The following PCDHGA6 variants were observed in gnomAD, a reference collection of about 807,000 sequenced individuals.
The protein encoded by PCDHGA6 is protocadherin gamma-A6.
Under a neutral mutation model 60.6 loss-of-function variants are expected in PCDHGA6, and 41 were observed. That is an observed-to-expected ratio of 0.68 (90% CI 0.53 to 0.88). The LOEUF is 0.88. Among genes scored for constraint, PCDHGA6 ranks in the 40% least tolerant of loss-of-function variants. The probability of loss-of-function intolerance (pLI) is 0.00; values close to 1 mark genes in which losing one functional copy is unlikely to be tolerated. For synonymous variants in PCDHGA6, 594 were observed against 524.4 expected (o/e 1.13, Z -1.81); for missense variants, 1,312 against 1,203.0 (o/e 1.09, Z -1.34).
At position 141,374,117 on chromosome 5, in the gene PCDHGA6, G is replaced by A. The variant is rs750762308; in HGVS notation, c.34G>A (p.Glu12Lys). The stretch of plus-strand genomic sequence containing the variant: ...TCCGCAGAGGCATCCGCAGCGCAGC[G>A]AGCAGGTCCTGCTCCTCACGCTCCT... ...APPQRHPQRS[E>K]QVLLLTLLGT... Residue 12 changes from glutamate (E) to lysine (K), a missense_variant, in exon 1 of 4, where the codon GAG (glutamate) becomes AAG (lysine). Transcript: ENST00000517434. 5.7e-6 allele frequency: 9 copies of A among 1,587,566 alleles called. No homozygotes were observed. The highest frequency in any genetic ancestry group is 7.7e-6 in the Non-Finnish European group (9 of 1,164,460).
chr5:141,441,547 A>G (rs1393958373), intron 1 of PCDHGA6: 1 of 182,772 alleles, frequency 5.5e-6, no homozygotes, highest in Admixed American at 6.4e-5. Context: ...CAAAGCCTCC[A>G]TAGTGTGCAA....
chr5:141,419,945 T>TTGGCCTTGATTTCTG (rs1205104698), intron 1 of PCDHGA6: 6 of 1,613,970 alleles, frequency 3.7e-6, no homozygotes, highest in Non-Finnish European at 4.2e-6. Flanking sequence ...GGTGGTGGCC[T>TTGGCCTTGATTTCTG]TGGCCTTGAT....
chr5:141,444,695 CCT>C (rs2154560766), intron 1 of PCDHGA6, among the ~76,000 whole-genome samples: 1 of 152,134 alleles, frequency 6.6e-6, no homozygotes, highest in South Asian at 2.1e-4. Flanking sequence ...AAAATATTTT[CCT>C]CTTTCTGTTG....
chr5:141,433,843 A>C (rs2097657951), intron 1 of PCDHGA6, among the ~76,000 whole-genome samples: 1 of 151,956 alleles, frequency 6.6e-6, no homozygotes, highest in African/African-American at 2.4e-5. Context: ...ATCTCAAAAA[A>C]AAAAAAAAAA....
intron 2 of PCDHGA6, among the ~76,000 whole-genome samples, chr5:141,497,006 T>C (rs947830895): frequency 1.3e-5 from 2 of 151,678 alleles, no homozygotes; most frequent in South Asian, 2.1e-4. Context: ...GCAGCCAACA[T>C]GGTGAAACCC....
intron 1 of PCDHGA6, chr5:141,403,221 T>G (rs899056141): frequency 1.3e-5 from 21 of 1,613,974 alleles, no homozygotes; most frequent in Non-Finnish European, 1.8e-5. Flanking sequence ...GCGGGTAGGA[T>G]AGACCGGGAG....
rs774690686 is a variant in PCDHGA6 at position 141,374,976 on chromosome 5, C to G, written c.893C>G (p.Thr298Ser). ...ISQIFCLNVL[T>S]GEISTSANLD... ...CAAATTTTCTGTTTGAATGTTTTGA[C>G]TGGAGAAATTTCAACTTCTGCAAAT... The change falls in exon 1 of 4, where the codon ACT becomes AGT. Residue 298 changes from threonine (T) to serine (S), a missense_variant. By Grantham distance (58) the Thr-to-Ser change is moderately conservative (BLOSUM62 1). Transcript: ENST00000517434. 6.2e-7 allele frequency: 1 copy of G among 1,613,898 alleles called. No homozygotes were observed. The highest frequency in any genetic ancestry group is 1.3e-5 in the African/African-American group (1 of 74,956).
chr5:141,466,766 T>G (rs1309395984), intron 1 of PCDHGA6, among the ~76,000 whole-genome samples: 2 of 152,194 alleles, frequency 1.3e-5, no homozygotes, highest in Non-Finnish European at 2.9e-5. Context: ...TTTCAAACTG[T>G]TATCTTATTC....
At chr5:141,423,237 C>A in intron 1 of PCDHGA6, 1 of 1,613,916 alleles carries the variant, frequency 6.2e-7, no homozygotes, top group Non-Finnish European at 8.5e-7. Context: ...ACAGCATCCC[C>A]GAAGTCCTGG....
intron 1 of PCDHGA6, chr5:141,414,147 A>G: frequency 6.3e-7 from 1 of 1,599,090 alleles, no homozygotes; most frequent in Non-Finnish European, 8.5e-7. Flanking sequence ...TAGAAATACA[A>G]GCAGAAGATG....
At position 141,490,646 on chromosome 5, in the gene PCDHGA6, C is replaced by G. The variant is rs202183643; in HGVS notation, c.2425-4161C>G. The G allele has an allele frequency of 8.7e-6, 14 of 1,614,068 alleles. No homozygotes were observed. In the African/African-American group the frequency reaches 1.7e-4, roughly 20 times the overall value. ...GCTTACATCCTAGAAAACCGGCCTC[C>G]GGGCTCCCTTCTTTGCACTGTGGCT... On this transcript the variant is annotated intron_variant, in intron 1 of 3. Coordinates refer to ENST00000517434, the MANE Select transcript of PCDHGA6 (RefSeq NM_018919.3). This position sits in a 1 kb window ranked among gnomAD's most constrained non-coding sequence, Gnocchi z 5.4.
rs1307942270 is a variant in PCDHGA6 at position 141,388,326 on chromosome 5, C to A, written c.2424+11819C>A. ...GCTGCAAATAAGTGAGTCTGCACAG[C>A]CTGGCACACGATTTATATTAGGATC... On this transcript the variant is annotated intron_variant, in intron 1 of 3. Transcript: ENST00000517434. 3.7e-6 allele frequency: 6 copies of A among 1,613,760 alleles called. No homozygotes were observed. The highest frequency in any genetic ancestry group is 5.1e-6 in the Non-Finnish European group (6 of 1,179,866).
chr5:141,400,402 G>T (rs574141234), intron 1 of PCDHGA6: 2 of 1,614,056 alleles, frequency 1.2e-6, no homozygotes, highest in South Asian at 2.2e-5. Context: ...AGGAAAGACG[G>T]AGTTTAATTT....
At chr5:141,412,948 G>A in intron 1 of PCDHGA6, 1 of 468,334 alleles carries the variant, frequency 2.1e-6, no homozygotes, top group Non-Finnish European at 3.7e-6. Context: ...TCTGAGCGCC[G>A]CTGTTCACCT....
chr5:141,428,224 G>T, intron 1 of PCDHGA6: 1 of 1,164,316 alleles, frequency 8.6e-7, no homozygotes, highest in Non-Finnish European at 1.3e-6. Context: ...AGTCTTCGCA[G>T]ACAGCCTGCA....
rs2099609528 is a variant in PCDHGA6 at position 141,485,211 on chromosome 5, G to A, written c.2425-9596G>A. 6.2e-7 allele frequency: 1 copy of A among 1,614,126 alleles called. No individual in the cohort carries two copies. The highest frequency in any genetic ancestry group is 8.5e-7 in the Non-Finnish European group (1 of 1,179,980). Reference sequence around the variant, plus strand: ...GTGAGAAGCTGGACAGAAATCTGGCGGTGGGCTACCCTTTTGTTCCTCTTT... The same window carrying A: ...GTGAGAAGCTGGACAGAAATCTGGCAGTGGGCTACCCTTTTGTTCCTCTTT... On this transcript the variant is annotated intron_variant, in intron 1 of 3. Transcript: ENST00000517434. This position sits in a 1 kb window ranked among gnomAD's most constrained non-coding sequence, Gnocchi z 5.7.
rs759191157 is a variant in PCDHGA6, at chr5:141,485,768, C to T, written c.2425-9039C>T. Reference sequence around the variant, plus strand: ...GGTCCCAGAGCTGCTCCTGGAGAAGCCTTTGGATCGAGAGAAGCAATCGGA... The same window carrying T: ...GGTCCCAGAGCTGCTCCTGGAGAAGTCTTTGGATCGAGAGAAGCAATCGGA... On this transcript the variant is annotated intron_variant, in intron 1 of 3. Transcript: ENST00000517434. This position sits in a 1 kb window ranked among gnomAD's most constrained non-coding sequence, Gnocchi z 5.7. The T allele has an allele frequency of 5.6e-6, 9 of 1,614,074 alleles. No individual in the cohort carries two copies. The highest frequency in any genetic ancestry group is 1.7e-5 in the Admixed American group (1 of 60,000).
chr5:141,376,418 C>T lies in PCDHGA6; in HGVS notation c.2335C>T (p.Leu779Phe), dbSNP rs1354597104. Reference protein sequence around the residue: ...IFPQPNYADTLINQESYEKSE... With the variant: ...IFPQPNYADTFINQESYEKSE... ...CCCCCAGCCCAACTATGCCGACACGCTTATCAACCAGGAGAGCTATGAGAA... is the reference window on the plus strand; with the variant it reads ...CCCCCAGCCCAACTATGCCGACACGTTTATCAACCAGGAGAGCTATGAGAA... The change falls in exon 1 of 4, where the codon CTT (leucine) becomes TTT (phenylalanine). Residue 779 changes from leucine (L) to phenylalanine (F), a missense_variant. Leu to Phe is a conservative substitution (Grantham distance 22). Coordinates refer to ENST00000517434, the MANE Select transcript of PCDHGA6 (RefSeq NM_018919.3). 6.2e-7 allele frequency: 1 copy of T among 1,614,112 alleles called. No homozygotes were observed. Among genetic ancestry groups the T allele is most frequent in the Admixed American group, 1.7e-5 (1 of 60,008 alleles).
At chr5:141,475,778 T>A (rs1204790631) in intron 1 of PCDHGA6, among the ~76,000 whole-genome samples, 1 of 152,400 alleles carries the variant, frequency 6.6e-6, no homozygotes. Context: ...GCGCTTTGGC[T>A]GGAAACTCTG....
Sources: allele counts gnomAD v4.1 joint callset (sites outside exome capture counted in the v4.1 genomes callset), GRCh38; gene constraint gnomAD v4.1.1; non-coding constraint Gnocchi (gnomAD v3.1); transcripts MANE v1.5; gene names NCBI Gene and HGNC (gene_info 2026-07-23, HGNC 2026-07-21).